Variants in DCLK1 observed in about 807,000 individuals in gnomAD.
DCLK1 encodes serine/threonine-protein kinase DCLK1.
In DCLK1, 16 loss-of-function variants were observed where a neutral mutation model predicts 86.2. The ratio of observed to expected loss-of-function variants is 0.19; its 90% confidence interval spans 0.13 to 0.28. The LOEUF (loss-of-function observed/expected upper bound fraction) is 0.28, where lower values mean the gene tolerates loss of function less well. DCLK1 is among the 10% of genes least tolerant of loss of function. The pLI is 1.00. For synonymous variants in DCLK1, 369 were observed against 370.5 expected (o/e 1.00, Z 0.05); for missense variants, 590 against 940.2 (o/e 0.63, Z 4.87).
At chr13:35,918,892 G>GTTTTTTTTTTTTTTTCTTTT (rs1875604770) in intron 4 of DCLK1, among the ~76,000 whole-genome samples, 1 of 76,310 alleles carries the variant, frequency 1.3e-5, no homozygotes, top group Non-Finnish European at 2.5e-5. Context: ...TTCTGAGTGT[G>GTTTTTTTTTTTTTTTCTTTT]TTTTTTTTTT....
intron 3 of DCLK1, among the ~76,000 whole-genome samples, chr13:36,021,359 T>G (rs1283090155): frequency 6.6e-6 from 1 of 151,308 alleles, no homozygotes; most frequent in Non-Finnish European, 1.5e-5. Flanking sequence ...CCTTAAAATG[T>G]ATAAAAACAA....
At chr13:36,027,270 G>A (rs1882081366) in intron 3 of DCLK1, among the ~76,000 whole-genome samples, 1 of 152,144 alleles carries the variant, frequency 6.6e-6, no homozygotes, top group Non-Finnish European at 1.5e-5. Flanking sequence ...ACTCAACCTA[G>A]ATCCCTCACA....
At chr13:36,087,187 T>C (rs980852030) in intron 3 of DCLK1, among the ~76,000 whole-genome samples, 1 of 152,320 alleles carries the variant, frequency 6.6e-6, no homozygotes, top group Non-Finnish European at 1.5e-5. Flanking sequence ...TGGTATCTCA[T>C]TGTGGTTTTG....
In DCLK1 at chr13:35,837,719, ATTTTT is replaced by A. The variant is rs930790054; in HGVS notation, c.1120+1368_1120+1372del. On this transcript the variant is annotated intron_variant, in intron 7 of 16. Transcript: ENST00000360631. ...ACCCATTCAAAGCACGTGGCTTGGG[ATTTTT>A]TTTCCTTGACTATTCATAAAAGGTA... 6.6e-5 allele frequency among the ~76,000 whole-genome samples: 10 copies of A among 151,650 alleles called. 1 individual carries two copies. The highest frequency in any genetic ancestry group is 1.3e-4 in the Admixed American group (2 of 15,210).
At chr13:35,879,033 A>C (rs1872738828) in intron 4 of DCLK1, among the ~76,000 whole-genome samples, 1 of 152,048 alleles carries the variant, frequency 6.6e-6, no homozygotes, top group African/African-American at 2.4e-5. Context: ...TGATCTGCCC[A>C]CCTTGGCCTC....
intron 3 of DCLK1, among the ~76,000 whole-genome samples, chr13:36,037,223 G>A (rs1425141204): frequency 1.3e-5 from 2 of 152,168 alleles, no homozygotes; most frequent in Non-Finnish European, 2.9e-5. Flanking sequence ...GAATAGAACT[G>A]TGGTTACCAG....
chr13:35,807,949 G>T (rs1436850713), intron 14 of DCLK1, among the ~76,000 whole-genome samples: 2 of 152,172 alleles, frequency 1.3e-5, no homozygotes, highest in Non-Finnish European at 2.9e-5. Context: ...GCCTGGCGAG[G>T]GTGGGGCACA....
intron 4 of DCLK1, among the ~76,000 whole-genome samples, chr13:35,935,387 A>G (rs1209143673): frequency 6.6e-6 from 1 of 152,172 alleles, no homozygotes; most frequent in Admixed American, 6.5e-5. Context: ...AAGCATCTTC[A>G]TGAGTCTAAA....
intron 3 of DCLK1, among the ~76,000 whole-genome samples, chr13:35,947,704 TATATC>T (rs1877460438): frequency 6.6e-6 from 1 of 152,252 alleles, no homozygotes; most frequent in Non-Finnish European, 1.5e-5. Flanking sequence ...TATTACTTGA[TATATC>T]AACAGGCTCT....
At position 35,994,633 on chromosome 13, in the gene DCLK1, A is replaced by G. The variant is rs552202618; in HGVS notation, c.724-47176T>C. On this transcript the variant is annotated intron_variant, in intron 3 of 16. Coordinates refer to ENST00000360631, the MANE Select transcript of DCLK1 (RefSeq NM_001330071.2). Reference sequence around the variant, plus strand: ...ATTTCATGTTCCCTCAAGCTTCATTATCAGTGATTGGCTTGGATGAATGGG... The same window carrying G: ...ATTTCATGTTCCCTCAAGCTTCATTGTCAGTGATTGGCTTGGATGAATGGG... Among the ~76,000 whole-genome samples, 5 of 152,182 alleles carry G rather than the reference A, an allele frequency of 3.3e-5. No individual in the cohort carries two copies. The South Asian group carries it at 1.0e-3, about 32-fold the overall frequency.
chr13:36,003,719 C>T (rs1349851186), intron 3 of DCLK1, among the ~76,000 whole-genome samples: 1 of 152,118 alleles, frequency 6.6e-6, no homozygotes, highest in Non-Finnish European at 1.5e-5. Flanking sequence ...TTACAAAAGG[C>T]TACAAAACAA....
chr13:35,776,455 T>A (rs1479351954), intron 16 of DCLK1, among the ~76,000 whole-genome samples: 2 of 152,232 alleles, frequency 1.3e-5, no homozygotes, highest in Admixed American at 1.3e-4. Context: ...TTGGAATGAA[T>A]TCTGACTTGT....
At chr13:36,080,814 A>G (rs147106739) in intron 3 of DCLK1, among the ~76,000 whole-genome samples, 1 of 152,290 alleles carries the variant, frequency 6.6e-6, no homozygotes, top group African/African-American at 2.4e-5. Flanking sequence ...TTTAGACTTT[A>G]CATCAGTGGT....
At chr13:35,949,610 C>T (rs1877555875) in intron 3 of DCLK1, among the ~76,000 whole-genome samples, 2 of 152,162 alleles carry the variant, frequency 1.3e-5, no homozygotes, top group Non-Finnish European at 2.9e-5. Context: ...TTCCCACTCC[C>T]ACCATTTGCA....
At chr13:35,789,772 T>A (rs2086680602) in intron 16 of DCLK1, among the ~76,000 whole-genome samples, 1 of 152,240 alleles carries the variant, frequency 6.6e-6, no homozygotes. Flanking sequence ...AATCTAATAA[T>A]GCCTCTCTCT....
chr13:35,936,962 C>CTTTTTTTTTTGTTTTT (rs1876788328), intron 4 of DCLK1, among the ~76,000 whole-genome samples: 1 of 65,712 alleles, frequency 1.5e-5, no homozygotes, highest in Non-Finnish European at 3.0e-5. Flanking sequence ...GAAAAGTTAG[C>CTTTTTTTTTTGTTTTT]TTTTTTTTTT....
At position 36,004,742 on chromosome 13, in the gene DCLK1, A is replaced by AT. The variant is rs576122774; in HGVS notation, c.724-57286dup. Among the ~76,000 whole-genome samples the AT allele has an allele frequency of 3.5e-3, 530 of 152,116 alleles. 2 individuals carry two copies. The highest frequency in any genetic ancestry group is 6.4e-3 in the Non-Finnish European group (432 of 68,000). ...AGGAACACACCACCATGCCCAGATAATTTTTGCATTTTTTTCGTAGAAACA... is the reference window on the plus strand; with the variant it reads ...AGGAACACACCACCATGCCCAGATAATTTTTTGCATTTTTTTCGTAGAAACA... On this transcript the variant is annotated intron_variant, in intron 3 of 16. Coordinates refer to ENST00000360631, the MANE Select transcript of DCLK1 (RefSeq NM_001330071.2).
intron 3 of DCLK1, among the ~76,000 whole-genome samples, chr13:36,094,279 T>G (rs2138144753): frequency 6.6e-6 from 1 of 152,360 alleles, no homozygotes; most frequent in Admixed American, 6.5e-5. Flanking sequence ...TATTATTTTC[T>G]TAAATGCTAG....
intron 6 of DCLK1, chr13:35,847,109 C>T (rs919851913): frequency 1.0e-6 from 1 of 974,532 alleles, no homozygotes; most frequent in Non-Finnish European, 1.2e-6. Flanking sequence ...AGTATTCGAT[C>T]TTGTTAATAA....
Sources: gnomAD v4.1 joint callset for allele counts (sites outside exome capture counted in the v4.1 genomes callset) on GRCh38, gnomAD v4.1.1 for gene constraint, MANE v1.5 for transcripts, NCBI Gene and HGNC (gene_info 2026-07-23, HGNC 2026-07-21) for gene names.